ADGRL1: variants seen among roughly 807,000 people sequenced by gnomAD.
ADGRL1 encodes the protein adhesion G protein-coupled receptor L1, also known as CIRL-1.
ADGRL1 carries 31 observed loss-of-function variants against 148.9 expected under a neutral mutation model. The observed-to-expected ratio is 0.21, with a 90% CI of 0.16 to 0.28. The LOEUF (loss-of-function observed/expected upper bound fraction) is 0.28, where lower values mean the gene tolerates loss of function less well. Among genes scored for constraint, ADGRL1 ranks in the 10% least tolerant of loss-of-function variants. The pLI, the probability that ADGRL1 is intolerant of heterozygous loss-of-function variation, is 1.00. For synonymous variants in ADGRL1, 937 were observed against 900.3 expected (o/e 1.04, Z -0.73); for missense variants, 1,521 against 2,058.8 (o/e 0.74, Z 5.05).
At chr19:14,184,841 G>A (rs1305117513) in intron 1 of ADGRL1, among the ~76,000 whole-genome samples, 6 of 151,720 alleles carry the variant, frequency 4.0e-5, no homozygotes, top group Admixed American at 6.6e-5. Flanking sequence ...GGGTTTCACC[G>A]TGTTAGCCAG....
rs1967815537 is a variant in ADGRL1 at position 14,148,429 on chromosome 19, C to G, written c.*2444G>C. Reference sequence around the variant, plus strand: ...TGGCCTCTCTGTGTGCCTCAGCCCCCTGGAACTCTCCTGGCCCTCCTCCTG... The same window carrying G: ...TGGCCTCTCTGTGTGCCTCAGCCCCGTGGAACTCTCCTGGCCCTCCTCCTG... On this transcript the variant is annotated 3_prime_UTR_variant, in exon 23 of 23. Transcript: ENST00000361434. 6.6e-6 allele frequency: 1 copy of G among 152,322 alleles called. No homozygotes were observed. Among genetic ancestry groups the G allele is most frequent in the Non-Finnish European group, 1.5e-5 (1 of 68,136 alleles). 9.4% of individuals were successfully genotyped at this position (152,322 alleles called of 1,614,324 possible).
intron 12 of ADGRL1, 117 bp from the exon 13 acceptor site, chr19:14,158,169 TG>T: frequency 7.8e-7 from 1 of 1,278,680 alleles, no homozygotes; most frequent in Non-Finnish European, 1.1e-6. Context: ...GCCTGGGGTC[TG>T]GGGCTCCAGT....
At chr19:14,181,979 G>A (rs1293332712) in intron 2 of ADGRL1, among the ~76,000 whole-genome samples, 1 of 152,152 alleles carries the variant, frequency 6.6e-6, no homozygotes, top group Non-Finnish European at 1.5e-5. Flanking sequence ...GCTCCCTGGG[G>A]GGATTGCGTT....
At chr19:14,177,445 G>A in intron 3 of ADGRL1, 86 bp downstream of exon 3, 1 of 1,256,248 alleles carries the variant, frequency 8.0e-7, no homozygotes, top group Non-Finnish European at 1.2e-6. Context: ...ATAAAAAAAA[G>A]ATGTAAGGTG....
chr19:14,186,667 T>C (rs1032296265), intron 1 of ADGRL1, among the ~76,000 whole-genome samples: 3 of 152,178 alleles, frequency 2.0e-5, no homozygotes, highest in African/African-American at 7.2e-5. Context: ...CATGATGATG[T>C]TGATCCGAAC....
chr19:14,162,820 G>A lies in ADGRL1; in HGVS notation c.981C>T (p.Tyr327=), dbSNP rs768182211. The change falls in exon 5 of 23, where the codon TAC becomes TAT. Residue 327 remains tyrosine (Y), a synonymous_variant. Transcript: ENST00000361434. The surrounding 1 kb of genome is among the most constrained non-coding windows in gnomAD (Gnocchi z 5.4). The part of the protein sequence containing the change: ...CGVLYVLRSV[Y]VDDDSEAAGN... ...CAGCCGCCTCGCTGTCATCATCCAC[G>A]TACACGGAACGCAGGACGTACAGGA... 3.3e-5 allele frequency: 54 copies of A among 1,613,964 alleles called. No homozygotes were observed. The highest frequency in any genetic ancestry group is 1.6e-4 in the Middle Eastern group (1 of 6,084).
At chr19:14,176,385 C>T (rs967802544) in intron 3 of ADGRL1, among the ~76,000 whole-genome samples, 2 of 152,184 alleles carry the variant, frequency 1.3e-5, no homozygotes, top group Middle Eastern at 3.4e-3. Context: ...AAAACAAATA[C>T]ACCGTCATAC....
chr19:14,158,416 G>T lies in ADGRL1; in HGVS notation c.2286C>A (p.Val762=). The T allele has an allele frequency of 6.2e-7, 1 of 1,613,780 alleles. No homozygotes were observed. The highest frequency in any genetic ancestry group is 8.5e-7 in the Non-Finnish European group (1 of 1,180,032). Residue 762 remains valine, a synonymous_variant, in exon 12 of 23, where the codon GTC becomes GTA. Transcript: ENST00000361434. ...GGASLVVNSQ[V]IAASINKESS... is the part of the protein sequence containing the mutation. ...ACTCCTTGTTGATGGATGCTGCGAT[G>T]ACCTGTGAGTTCACCACTAGAGAGG...
Position 14,163,210 on chromosome 19 carries a change from G to C in ADGRL1, c.591C>G (p.Thr197=). 1 of 1,613,584 alleles carries C rather than the reference G, an allele frequency of 6.2e-7. No homozygotes were observed. The highest frequency in any genetic ancestry group is 8.5e-7 in the Non-Finnish European group (1 of 1,179,992). ...CGCGGTTGGGCAGGCGGTAGGTGGT[G>C]GTGTGGCGGGCGGCCACGTAGTCCT... ...SWEDYVAARH[T]TTYRLPNRVD... The change falls in exon 5 of 23, where the codon ACC becomes ACG. Residue 197 remains threonine (T), a synonymous_variant. Transcript: ENST00000361434.
Position 14,155,690 on chromosome 19 carries a change from A to G in ADGRL1, c.3126-163T>C, listed in dbSNP as rs1599393083. On this transcript the variant is annotated intron_variant, in intron 17 of 22. Transcript: ENST00000361434. This position sits in a 1 kb window ranked among gnomAD's most constrained non-coding sequence, Gnocchi z 5.0. Reference sequence around the variant, plus strand: ...CCTTGGGGGCAGTGGCCTGCCCAGGACACCTCCACCGGAGCCTGGGCCTGA... The same window carrying G: ...CCTTGGGGGCAGTGGCCTGCCCAGGGCACCTCCACCGGAGCCTGGGCCTGA... The G allele has an allele frequency of 1.5e-6, 1 of 645,802 alleles. No individual in the cohort carries two copies. The highest frequency in any genetic ancestry group is 2.6e-6 in the Non-Finnish European group (1 of 378,346). 40.0% of individuals were successfully genotyped at this position (645,802 alleles called of 1,614,324 possible).
Position 14,157,811 on chromosome 19 carries a change from C to T in ADGRL1, c.2535+71G>A, listed in dbSNP as rs535772431. 3.2e-6 allele frequency: 5 copies of T among 1,564,122 alleles called. No homozygotes were observed. The African/African-American group carries it at 5.4e-5, about 17-fold the overall frequency. On this transcript the variant is annotated intron_variant, in intron 13 of 22. Coordinates refer to ENST00000361434, the MANE Select transcript of ADGRL1 (RefSeq NM_014921.5). This position sits in a 1 kb window ranked among gnomAD's most constrained non-coding sequence, Gnocchi z 7.5. ...CCTCCCCTGGTACTGCCCGTGATCT[C>T]TCTAGGATGCCATGCAAAGCCAGGC...
At position 14,179,127 on chromosome 19, in the gene ADGRL1, T is replaced by C. The variant is rs565433040; in HGVS notation, c.71-1383A>G. On this transcript the variant is annotated intron_variant, in intron 2 of 22. Transcript: ENST00000361434. Reference sequence around the variant, plus strand: ...TGAGCTGGGGAGGCAGAGATTGCAGTGAGCCCAGATCGTGCCACTGCACTC... The same window carrying C: ...TGAGCTGGGGAGGCAGAGATTGCAGCGAGCCCAGATCGTGCCACTGCACTC... Among the ~76,000 whole-genome samples, 9 of 151,864 alleles carry C rather than the reference T, an allele frequency of 5.9e-5. No individual in the cohort carries two copies. The South Asian group carries it at 1.9e-3, about 32-fold the overall frequency.
intron 1 of ADGRL1, among the ~76,000 whole-genome samples, chr19:14,198,228 T>A (rs35731932): frequency 0.17 from 25,365 of 151,924 alleles, 2,483 homozygotes; most frequent in Non-Finnish European, 0.22. Flanking sequence ...GGACTTTGGC[T>A]TTCTAGAGAG....
At chr19:14,153,674 G>A (rs1379462482) in intron 18 of ADGRL1, among the ~76,000 whole-genome samples, 5 of 149,268 alleles carry the variant, frequency 3.3e-5, no homozygotes, top group African/African-American at 1.2e-4. Context: ...GAGGAGGCCA[G>A]GCATGGTGGC....
chr19:14,168,408 C>T (rs963305710), intron 4 of ADGRL1, among the ~76,000 whole-genome samples: 1 of 152,182 alleles, frequency 6.6e-6, no homozygotes, highest in Non-Finnish European at 1.5e-5. Flanking sequence ...CCAACATCCA[C>T]CCCGTATGTG....
intron 1 of ADGRL1, among the ~76,000 whole-genome samples, chr19:14,198,372 C>A (rs868184853): frequency 6.6e-6 from 1 of 152,150 alleles, no homozygotes; most frequent in Middle Eastern, 3.4e-3. Flanking sequence ...CTCTCTACCC[C>A]ACCTGTCCCT....
At chr19:14,191,188 G>A in intron 1 of ADGRL1, 1 of 456,674 alleles carries the variant, frequency 2.2e-6, no homozygotes, top group Non-Finnish European at 4.4e-6. Flanking sequence ...AGCCATGCGG[G>A]TTCCCACCCT....
At chr19:14,182,077 C>G (rs11878406) in intron 2 of ADGRL1, among the ~76,000 whole-genome samples, 4,822 of 152,214 alleles carry the variant, frequency 0.032, 258 homozygotes, top group African/African-American at 0.11. Context: ...GGAATTCCAG[C>G]CCGGCCACTC....
intron 3 of ADGRL1, 138 bp downstream of exon 3, chr19:14,177,393 G>A: frequency 3.8e-6 from 3 of 787,972 alleles, no homozygotes; most frequent in Non-Finnish European, 6.3e-6. Flanking sequence ...TCTGCATGGG[G>A]CCCAGCACCT....
Sources: gnomAD v4.1 joint callset for allele counts (sites outside exome capture counted in the v4.1 genomes callset) on GRCh38, gnomAD v4.1.1 for gene constraint, Gnocchi (gnomAD v3.1) non-coding constraint, MANE v1.5 for transcripts, NCBI Gene and HGNC (gene_info 2026-07-23, HGNC 2026-07-21) for gene names.